Variants in ATF4 observed in about 807,000 individuals in gnomAD.
The protein encoded by ATF4 is cyclic AMP-dependent transcription factor ATF-4.
In ATF4, 8 loss-of-function variants were observed where a neutral mutation model predicts 21.0. The observed-to-expected ratio is 0.38, with a 90% CI of 0.22 to 0.69. The LOEUF is 0.69. Ranked by LOEUF, ATF4 falls within the 30% of genes least tolerant of loss-of-function variation. The pLI is 0.49. For missense variants in ATF4, 549 were observed against 425.9 expected (o/e 1.29, Z -2.54); for synonymous variants, 241 against 166.4 (o/e 1.45, Z -3.45).
At chr22:39,521,302 A>G in intron 1 of ATF4, 52 bp from the exon 2 acceptor site, 1 of 665,058 alleles carries the variant, frequency 1.5e-6, no homozygotes, top group Non-Finnish European at 2.5e-6. Context: ...GAAGGATGAA[A>G]TTCTCAGAAC....
At position 39,522,027 on chromosome 22, in the gene ATF4, C is replaced by G. The variant is rs766764304; in HGVS notation, c.481C>G (p.Gln161Glu). ...PDQVAPFTFLQPLPLSPGVLS... is the reference protein window; with the variant it reads ...PDQVAPFTFLEPLPLSPGVLS... ...CCAGGTTGCCCCCTTCACCTTCTTA[C>G]AACCTCTTCCCCTTTCCCCAGGGGT... The change falls in exon 3 of 3, where the codon CAA (glutamine) becomes GAA (glutamate). Residue 161 changes from glutamine (Q) to glutamate (E), a missense_variant. Transcript: ENST00000674920. The G allele has an allele frequency of 1.2e-6, 2 of 1,613,886 alleles. No homozygotes were observed. Among genetic ancestry groups the G allele is most frequent in the South Asian group, 1.1e-5 (1 of 91,074 alleles).
chr22:39,521,861 G>C lies in ATF4; in HGVS notation c.315G>C (p.Leu105=). ...ATGCCCTGTTGGGTATAGATGACCT[G>C]GAAACCATGCCAGATGACCTTCTGA... The part of the protein sequence containing the change: ...DLDALLGIDD[L]ETMPDDLLTT... Residue 105 remains leucine, a synonymous_variant, in exon 3 of 3, where the codon CTG becomes CTC. Transcript: ENST00000674920. 4.3e-6 allele frequency: 7 copies of C among 1,614,192 alleles called. No homozygotes were observed. Among genetic ancestry groups the C allele is most frequent in the Non-Finnish European group, 5.9e-6 (7 of 1,180,032 alleles).
rs1252692142 is a variant in ATF4 at position 39,522,224 on chromosome 22, G to C, written c.678G>C (p.Glu226Asp). 6.2e-7 allele frequency: 1 copy of C among 1,609,208 alleles called. No homozygotes were observed. The highest frequency in any genetic ancestry group is 8.5e-7 in the Non-Finnish European group (1 of 1,177,130). ...DNDSGICMSP[E>D]SYLGSPQHSP... ...ATAGTGGCATCTGTATGAGCCCAGAGTCCTATCTGGGGTCTCCTCAGCACA... is the reference window on the plus strand; with the variant it reads ...ATAGTGGCATCTGTATGAGCCCAGACTCCTATCTGGGGTCTCCTCAGCACA... Residue 226 changes from glutamate (E) to aspartate (D), a missense_variant, in exon 3 of 3, where the codon GAG becomes GAC. Physicochemically the swap from Glu to Asp is conservative, Grantham distance 45 (BLOSUM62 2). Coordinates refer to ENST00000674920, the MANE Select transcript of ATF4 (RefSeq NM_182810.3).
chr22:39,521,727 C>T (rs1266069363), intron 2 of ATF4, 46 bp from the exon 3 acceptor site: 10 of 1,609,576 alleles, frequency 6.2e-6, no homozygotes, highest in East Asian at 2.2e-5. Context: ...GGGCCTCCTA[C>T]CTTTGTATCT....
Position 39,522,315 on chromosome 22 carries a change from C to A in ATF4, c.769C>A (p.Arg257Ser), listed in dbSNP as rs200470722. The A allele has an allele frequency of 6.2e-7, 1 of 1,612,302 alleles. No homozygotes were observed. The highest frequency in any genetic ancestry group is 8.5e-7 in the Non-Finnish European group (1 of 1,179,272). ...TCCAGGTGTTCTCTGTGGGTCTGCC[C>A]GTCCCAAACCTTACGATCCTCCTGG... ...PSPGVLCGSARPKPYDPPGEK... is the reference protein window; with the variant it reads ...PSPGVLCGSASPKPYDPPGEK... The change falls in exon 3 of 3, where the codon CGT (arginine) becomes AGT (serine). Residue 257 changes from arginine (R) to serine (S), a missense_variant. Coordinates refer to ENST00000674920, the MANE Select transcript of ATF4 (RefSeq NM_182810.3).
At position 39,522,031 on chromosome 22, in the gene ATF4, C is replaced by T. The variant is rs570395027; in HGVS notation, c.485C>T (p.Pro162Leu). The change falls in exon 3 of 3, where the codon CCT becomes CTT. Residue 162 changes from proline to leucine, a missense_variant. Physicochemically the swap from Pro to Leu is moderately conservative, Grantham distance 98. Coordinates refer to ENST00000674920, the MANE Select transcript of ATF4 (RefSeq NM_182810.3). ...GTTGCCCCCTTCACCTTCTTACAAC[C>T]TCTTCCCCTTTCCCCAGGGGTCCTG... The part of the protein sequence containing the change: ...DQVAPFTFLQ[P>L]LPLSPGVLSS... The T allele has an allele frequency of 5.1e-5, 83 of 1,613,902 alleles. No individual in the cohort carries two copies. In the East Asian group the frequency reaches 1.6e-3, roughly 32 times the overall value.
At position 39,521,570 on chromosome 22, in the gene ATF4, A is replaced by G. The variant is rs749101924; in HGVS notation, c.125A>G (p.Lys42Arg). The change falls in exon 2 of 3, where the codon AAG (lysine) becomes AGG (arginine). Residue 42 changes from lysine (K) to arginine (R), a missense_variant. Coordinates refer to ENST00000674920, the MANE Select transcript of ATF4 (RefSeq NM_182810.3). ...TTAGATGATTACCTGGAGGTGGCCAAGCACTTCAAACCTCATGGGTTCTCC... is the reference window on the plus strand; with the variant it reads ...TTAGATGATTACCTGGAGGTGGCCAGGCACTTCAAACCTCATGGGTTCTCC... ...GLLDDYLEVA[K>R]HFKPHGFSSD... 2 of 1,613,804 alleles carry G rather than the reference A, an allele frequency of 1.2e-6. No individual in the cohort carries two copies. Among genetic ancestry groups the G allele is most frequent in the Non-Finnish European group, 8.5e-7 (1 of 1,179,998 alleles).
At position 39,520,591 on chromosome 22, in the gene ATF4, G is replaced by C. The variant is rs1359197560; in HGVS notation, c.-253G>C. 1 of 152,420 alleles carries C rather than the reference G, an allele frequency of 6.6e-6. No homozygotes were observed. The highest frequency in any genetic ancestry group is 1.5e-5 in the Non-Finnish European group (1 of 68,112). 9.4% of individuals were successfully genotyped at this position (152,420 alleles called of 1,614,324 possible). A position where few individuals can be genotyped will look rare whatever the true frequency, so the allele number is the denominator to read the frequency against. On this transcript the variant is annotated 5_prime_UTR_variant, in exon 1 of 3. It removes the in-frame stop codon of an upstream open reading frame in the 5' UTR. Transcript: ENST00000674920. ...TCTACTTTGCCCGCCCACAGATGTA[G>C]TTTTCTCTGCGCGTGTGCGTTTTCC...
rs1931037759 is a variant in ATF4 at position 39,522,575 on chromosome 22, G to A, written c.1029G>A (p.Lys343=). The change falls in exon 3 of 3, where the codon AAG becomes AAA. Residue 343 remains lysine (K), a synonymous_variant. Transcript: ENST00000674920. ...YLKDLIEEVR[K]ARGKKRVP The stretch of plus-strand genomic sequence containing the variant: ...AAGATTTGATAGAAGAGGTCCGCAA[G>A]GCAAGGGGGAAGAAAAGGGTCCCCT... 1 of 1,545,770 alleles carries A rather than the reference G, an allele frequency of 6.5e-7. No homozygotes were observed. Among genetic ancestry groups the A allele is most frequent in the Non-Finnish European group, 8.7e-7 (1 of 1,151,322 alleles).
chr22:39,522,438 A>C lies in ATF4; in HGVS notation c.892A>C (p.Lys298Gln). The C allele has an allele frequency of 6.2e-7, 1 of 1,613,768 alleles. No individual in the cohort carries two copies. Among genetic ancestry groups the C allele is most frequent in the Non-Finnish European group, 8.5e-7 (1 of 1,179,766 alleles). Reference sequence around the variant, plus strand: ...GACAGCAGCCACTAGGTACCGCCAGAAGAAGAGGGCGGAGCAGGAGGCTCT... The same window carrying C: ...GACAGCAGCCACTAGGTACCGCCAGCAGAAGAGGGCGGAGCAGGAGGCTCT... ...NKTAATRYRQ[K>Q]KRAEQEALTG... Residue 298 changes from lysine to glutamine, a missense_variant, in exon 3 of 3, where the codon AAG becomes CAG. By Grantham distance (53) the Lys-to-Gln change is moderately conservative (BLOSUM62 1). Coordinates refer to ENST00000674920, the MANE Select transcript of ATF4 (RefSeq NM_182810.3).
At position 39,522,328 on chromosome 22, in the gene ATF4, A is replaced by T. The variant is rs1931014011; in HGVS notation, c.782A>T (p.Tyr261Phe). 1.2e-6 allele frequency: 2 copies of T among 1,612,694 alleles called. No individual in the cohort carries two copies. Among genetic ancestry groups the T allele is most frequent in the Non-Finnish European group, 1.7e-6 (2 of 1,179,448 alleles). The part of the protein sequence containing the change: ...VLCGSARPKP[Y>F]DPPGEKMVAA... ...TGTGGGTCTGCCCGTCCCAAACCTTACGATCCTCCTGGAGAGAAGATGGTA... is the reference window on the plus strand; with the variant it reads ...TGTGGGTCTGCCCGTCCCAAACCTTTCGATCCTCCTGGAGAGAAGATGGTA... Residue 261 changes from tyrosine to phenylalanine, a missense_variant, in exon 3 of 3, where the codon TAC becomes TTC. Tyr to Phe is a conservative substitution (Grantham distance 22, BLOSUM62 3). Transcript: ENST00000674920.
At position 39,522,265 on chromosome 22, in the gene ATF4, G is replaced by T. The variant is rs2145764466; in HGVS notation, c.719G>T (p.Gly240Val). 1 of 1,607,278 alleles carries T rather than the reference G, an allele frequency of 6.2e-7. No individual in the cohort carries two copies. Among genetic ancestry groups the T allele is most frequent in the Middle Eastern group, 1.7e-4 (1 of 6,014 alleles). ...CCTCAGCACAGCCCCTCTACCAGGG[G>T]CTCTCCAAATAGGAGCCTCCCATCT... The part of the protein sequence containing the change: ...GSPQHSPSTR[G>V]SPNRSLPSPG... Residue 240 changes from glycine (G) to valine (V), a missense_variant, in exon 3 of 3, where the codon GGC becomes GTC. Gly to Val is a moderately radical substitution (Grantham distance 109, BLOSUM62 -3). Transcript: ENST00000674920.
Position 39,522,678 on chromosome 22 carries a change from G to T in ATF4, c.*76G>T. 1 of 1,333,208 alleles carries T rather than the reference G, an allele frequency of 7.5e-7. No homozygotes were observed. The highest frequency in any genetic ancestry group is 1.7e-5 in the South Asian group (1 of 59,734). The allele number at this position is 1,333,208 out of a possible 1,614,324, so 82.6% of individuals were successfully genotyped here. On this transcript the variant is annotated 3_prime_UTR_variant, in exon 3 of 3. Transcript: ENST00000674920. ...GTGTGTTCCAATAAATTATTTTGTA[G>T]GGAAAGTACTTGTGCGTTTGAATTC...
chr22:39,522,120 G>A lies in ATF4; in HGVS notation c.574G>A (p.Asp192Asn), dbSNP rs1423978849. The A allele has an allele frequency of 1.2e-6, 2 of 1,613,932 alleles. No individual in the cohort carries two copies. Among genetic ancestry groups the A allele is most frequent in the Non-Finnish European group, 8.5e-7 (1 of 1,179,848 alleles). Residue 192 changes from aspartate to asparagine, a missense_variant, in exon 3 of 3, where the codon GAT becomes AAT. By Grantham distance (23) the Asp-to-Asn change is conservative. Coordinates refer to ENST00000674920, the MANE Select transcript of ATF4 (RefSeq NM_182810.3). ...LGSEVDITEGDRKPDYTAYVA... is the reference protein window; with the variant it reads ...LGSEVDITEGNRKPDYTAYVA... ...CAGTGAAGTGGATATCACTGAAGGA[G>A]ATAGGAAGCCAGACTACACTGCTTA...
rs1569026094 is a variant in ATF4 at position 39,521,928 on chromosome 22, C to G, written c.382C>G (p.Gln128Glu). ...DTCDLFAPLV[Q>E]ETNKQPPQTV... ...TTGTGATCTCTTTGCCCCCCTAGTC[C>G]AGGAGACTAATAAGCAGCCCCCCCA... is the stretch of plus-strand genomic sequence containing the variant. The change falls in exon 3 of 3, where the codon CAG becomes GAG. Residue 128 changes from glutamine (Q) to glutamate (E), a missense_variant. Gln to Glu is a conservative substitution (Grantham distance 29). Transcript: ENST00000674920. 1 of 1,613,296 alleles carries G rather than the reference C, an allele frequency of 6.2e-7. No individual in the cohort carries two copies. The highest frequency in any genetic ancestry group is 1.7e-5 in the Admixed American group (1 of 59,946).
rs767181464 is a variant in ATF4, at chr22:39,521,912, C to T, written c.366C>T (p.Leu122=). ...CCACGTTGGATGACACTTGTGATCT[C>T]TTTGCCCCCCTAGTCCAGGAGACTA... ...LLTTLDDTCD[L]FAPLVQETNK... is the part of the protein sequence containing the mutation. The change falls in exon 3 of 3, where the codon CTC becomes CTT. Residue 122 remains leucine (L), a synonymous_variant. Coordinates refer to ENST00000674920, the MANE Select transcript of ATF4 (RefSeq NM_182810.3). 1.2e-6 allele frequency: 2 copies of T among 1,613,992 alleles called. No individual in the cohort carries two copies. Among genetic ancestry groups the T allele is most frequent in the Non-Finnish European group, 1.7e-6 (2 of 1,179,932 alleles).
chr22:39,521,294 A>C, intron 1 of ATF4, 60 bp from the exon 2 acceptor site: 1 of 622,304 alleles, frequency 1.6e-6, no homozygotes, highest in Non-Finnish European at 2.8e-6. Context: ...CATAAGTGGA[A>C]GGATGAAATT....
At position 39,522,077 on chromosome 22, in the gene ATF4, C is replaced by T. The variant is rs575170457; in HGVS notation, c.531C>T (p.Ser177=). The part of the protein sequence containing the change: ...PGVLSSTPDH[S]FSLELGSEVD... ...TCCTGTCCTCCACTCCAGATCATTCCTTTAGTTTAGAGCTGGGCAGTGAAG... is the reference window on the plus strand; with the variant it reads ...TCCTGTCCTCCACTCCAGATCATTCTTTTAGTTTAGAGCTGGGCAGTGAAG... Residue 177 remains serine, a synonymous_variant, in exon 3 of 3, where the codon TCC becomes TCT. Coordinates refer to ENST00000674920, the MANE Select transcript of ATF4 (RefSeq NM_182810.3). 2.5e-6 allele frequency: 4 copies of T among 1,613,960 alleles called. No homozygotes were observed. The highest frequency in any genetic ancestry group is 2.2e-5 in the East Asian group (1 of 44,888).
Position 39,522,634 on chromosome 22 carries a change from T to C in ATF4, c.*32T>C. 1.4e-6 allele frequency: 2 copies of C among 1,477,582 alleles called. No homozygotes were observed. The highest frequency in any genetic ancestry group is 1.8e-6 in the Non-Finnish European group (2 of 1,102,820). The allele number at this position is 1,477,582 out of a possible 1,614,324, so 91.5% of individuals were successfully genotyped here. A position where few individuals can be genotyped will look rare whatever the true frequency, so the allele number is the denominator to read the frequency against. On this transcript the variant is annotated 3_prime_UTR_variant, in exon 3 of 3. Coordinates refer to ENST00000674920, the MANE Select transcript of ATF4 (RefSeq NM_182810.3). The stretch of plus-strand genomic sequence containing the variant: ...ATAGTCAGGAGCGTCAATGTGCTTG[T>C]ACATAGAGTGCTGTAGCTGTGTGTT...
Sources: allele counts gnomAD v4.1 joint callset, GRCh38; gene constraint gnomAD v4.1.1; transcripts MANE v1.5; gene names NCBI Gene and HGNC (gene_info 2026-07-23, HGNC 2026-07-21).